The following CCDC201 variants were observed in gnomAD, a reference collection of about 807,000 sequenced individuals.
The protein encoded by CCDC201 is coiled-coil domain-containing protein 201.
At chr7:45,883,200 TA>T in the CCDC201 span, among the ~76,000 whole-genome samples, 1 of 152,160 alleles carries the variant, frequency 6.6e-6, no homozygotes, top group African/African-American at 2.4e-5. Flanking sequence ...ATGGGGCACC[TA>T]TTGGTGCCTG....
chr7:45,861,662 C>A (rs775207628), exon 3 of CCDC201: 19 of 152,308 alleles, frequency 1.2e-4, no homozygotes, highest in Non-Finnish European at 2.1e-4. Context: ...AACTGAACAT[C>A]CTAGACCTCA....
At chr7:45,861,755 G>A (rs888279558) in exon 3 of CCDC201, 1 of 152,192 alleles carries the variant, frequency 6.6e-6, no homozygotes, top group African/African-American at 2.4e-5. Flanking sequence ...TCATCTAGGG[G>A]TTGCCCTTCT....
At chr7:45,874,781 G>A (rs958997237), upstream of CCDC201, among the ~76,000 whole-genome samples, 1 of 152,190 alleles carries the variant, frequency 6.6e-6, no homozygotes, top group Non-Finnish European at 1.5e-5. Flanking sequence ...AGAGTGGCTC[G>A]AAATTCTTCT....
upstream of CCDC201, among the ~76,000 whole-genome samples, chr7:45,873,396 A>T (rs60632762): frequency 0.076 from 11,491 of 151,318 alleles, 738 homozygotes; most frequent in African/African-American, 0.17. Context: ...AAAAAAAAAA[A>T]ACACGTTTCC....
upstream of CCDC201, among the ~76,000 whole-genome samples, chr7:45,877,973 A>G (rs897656555): frequency 2.0e-5 from 3 of 152,180 alleles, no homozygotes; most frequent in Non-Finnish European, 4.4e-5. Flanking sequence ...CCAAGATACA[A>G]TGGGGGTACA....
the CCDC201 span, among the ~76,000 whole-genome samples, chr7:45,878,091 T>A: frequency 6.6e-6 from 1 of 152,084 alleles, no homozygotes; most frequent in South Asian, 2.1e-4. Flanking sequence ...TCCAAAACAA[T>A]CTCCTTTGAC....
At chr7:45,862,665 T>C (rs1359409744) in exon 3 of CCDC201, 5 of 152,218 alleles carry the variant, frequency 3.3e-5, no homozygotes, top group African/African-American at 1.2e-4. Context: ...GCCCAACTCT[T>C]TCCTGAGAAG....
intron 1 of CCDC201, among the ~76,000 whole-genome samples, chr7:45,872,187 A>G (rs2116525738): frequency 6.6e-6 from 1 of 152,308 alleles, no homozygotes; most frequent in African/African-American, 2.4e-5. Flanking sequence ...TTTTCTATTT[A>G]TAAATAAAAA....
chr7:45,878,108 T>C, the CCDC201 span, among the ~76,000 whole-genome samples: 22 of 152,318 alleles, frequency 1.4e-4, no homozygotes, highest in African/African-American at 5.3e-4. Context: ...TGACTTCACA[T>C]CCAGGCCACA....
chr7:45,882,754 C>T, the CCDC201 span, among the ~76,000 whole-genome samples: 9,859 of 152,292 alleles, frequency 0.065, 364 homozygotes, highest in East Asian at 0.094. Context: ...CTTTGCAGCA[C>T]AGAGAATTTG....
At chr7:45,873,827 TG>T (rs1438129186), upstream of CCDC201, among the ~76,000 whole-genome samples, 1 of 152,184 alleles carries the variant, frequency 6.6e-6, no homozygotes, top group Non-Finnish European at 1.5e-5. Context: ...GAATGATCTG[TG>T]GTAGTTTGTT....
At chr7:45,871,479 A>G (rs961936850) in intron 1 of CCDC201, among the ~76,000 whole-genome samples, 32 of 152,350 alleles carry the variant, frequency 2.1e-4, no homozygotes, top group Non-Finnish European at 4.7e-4. Flanking sequence ...TGTAGAAAAG[A>G]AAGCCATAAG....
intron 1 of CCDC201, 55 bp downstream of exon 1, chr7:45,872,935 C>T (rs1252958603): frequency 1.3e-5 from 2 of 153,026 alleles, no homozygotes; most frequent in East Asian, 3.8e-4. Context: ...CCACCCGCCA[C>T]CTCTTACTGT....
At chr7:45,864,060 G>A (rs374353677) in intron 2 of CCDC201, among the ~76,000 whole-genome samples, 1 of 152,124 alleles carries the variant, frequency 6.6e-6, no homozygotes, top group Non-Finnish European at 1.5e-5. Context: ...CTCCCTACCC[G>A]AGGCAGGGGC....
chr7:45,884,242 G>A, the CCDC201 span, among the ~76,000 whole-genome samples: 5 of 152,034 alleles, frequency 3.3e-5, no homozygotes, highest in Non-Finnish European at 5.9e-5. Context: ...CTAGACTACA[G>A]TCATACACCA....
upstream of CCDC201, among the ~76,000 whole-genome samples, chr7:45,876,417 C>T (rs1172440676): frequency 1.3e-5 from 2 of 152,158 alleles, no homozygotes; most frequent in African/African-American, 2.4e-5. Flanking sequence ...AGGCTACTTG[C>T]CCAAGATCAC....
chr7:45,863,706 T>G (rs940280313), intron 2 of CCDC201, among the ~76,000 whole-genome samples: 4 of 152,032 alleles, frequency 2.6e-5, no homozygotes, highest in Admixed American at 2.6e-4. Flanking sequence ...CCTGGGGATT[T>G]TGGGTGGCTG....
intron 1 of CCDC201, among the ~76,000 whole-genome samples, chr7:45,872,554 G>C (rs1786753983): frequency 1.3e-5 from 2 of 152,338 alleles, no homozygotes; most frequent in South Asian, 4.1e-4. Context: ...CAGGGGAGGA[G>C]ATGGAGGAGG....
intron 2 of CCDC201, among the ~76,000 whole-genome samples, chr7:45,864,587 C>T (rs558975046): frequency 1.1e-4 from 16 of 152,060 alleles, no homozygotes; most frequent in Non-Finnish European, 1.6e-4. Context: ...CCCTCCAAAT[C>T]GGGAGGCAGC....
Sources: allele counts gnomAD v4.1 joint callset (sites outside exome capture counted in the v4.1 genomes callset), GRCh38; gene constraint gnomAD v4.1.1; transcripts MANE v1.5; gene names NCBI Gene and HGNC (gene_info 2026-07-23, HGNC 2026-07-21).